Variants in CERK observed in about 807,000 individuals in gnomAD.
The protein encoded by CERK is acylsphingosine kinase.
In CERK, 39 loss-of-function variants were observed where a neutral mutation model predicts 63.4. The observed-to-expected ratio is 0.61, with a 90% confidence interval of 0.48 to 0.80. The LOEUF (loss-of-function observed/expected upper bound fraction) is 0.80, where lower values mean the gene tolerates loss of function less well. CERK is among the 30% of genes least tolerant of loss of function. CERK has a pLI of 0.00. For synonymous variants in CERK, 302 were observed against 280.0 expected, an observed-to-expected ratio of 1.08 and a Z score of -0.78; for missense variants, 670 against 714.1, an observed-to-expected ratio of 0.94 and a Z score of 0.70.
At chr22:46,712,361 A>G in intron 3 of CERK, 68 bp from the exon 4 acceptor site, 2 of 1,434,616 alleles carry the variant, frequency 1.4e-6, no homozygotes, top group Non-Finnish European at 1.9e-6. Context: ...CTGTTACTGG[A>G]CAAAATCAAA....
rs562277046 is a variant in CERK at position 46,686,651 on chromosome 22, C to G, written c.*483G>C. On this transcript the variant is annotated 3_prime_UTR_variant, in exon 13 of 13. Coordinates refer to ENST00000216264, the MANE Select transcript of CERK (RefSeq NM_022766.6). ...CAAGCAGCGATGTCCTAACCGTAAACGAAGAGGAAGGTGAAATGAAGGCAA... is the reference window on the plus strand; with the variant it reads ...CAAGCAGCGATGTCCTAACCGTAAAGGAAGAGGAAGGTGAAATGAAGGCAA... The G allele has an allele frequency of 2.3e-5, 4 of 171,282 alleles. No individual in the cohort carries two copies. Among genetic ancestry groups the G allele is most frequent in the African/African-American group, 9.5e-5 (4 of 41,910 alleles). 10.6% of individuals were successfully genotyped at this position (171,282 alleles called of 1,614,324 possible). A position where few individuals can be genotyped will look rare whatever the true frequency, so the allele number is the denominator to read the frequency against.
chr22:46,713,526 AAAACAAAC>A (rs1569325732), intron 3 of CERK, among the ~76,000 whole-genome samples: 1 of 148,002 alleles, frequency 6.8e-6, no homozygotes, highest in African/African-American at 2.6e-5. Context: ...AAAAAAAAAA[AAAACAAAC>A]AAACAAAAAA....
chr22:46,732,097 T>C (rs1455574047), intron 1 of CERK, among the ~76,000 whole-genome samples: 3 of 151,988 alleles, frequency 2.0e-5, no homozygotes, highest in African/African-American at 7.3e-5. Context: ...AGAAGAGGTA[T>C]GGGATCCGGA....
At chr22:46,716,931 T>TC (rs1038712687) in intron 3 of CERK, among the ~76,000 whole-genome samples, 4 of 133,230 alleles carry the variant, frequency 3.0e-5, no homozygotes, top group East Asian at 2.1e-4. Flanking sequence ...CGAGACTCTG[T>TC]CCCCCCACCA....
intron 11 of CERK, among the ~76,000 whole-genome samples, chr22:46,691,056 T>TACATACACACACACACACACAC (rs1555982639): frequency 1.4e-5 from 2 of 147,194 alleles, no homozygotes; most frequent in African/African-American, 2.5e-5. Context: ...TATACATACA[T>TACATACACACACACACACACAC]ACACACACAC....
rs369129787 is a variant in CERK, at chr22:46,723,858, C to T, written c.143-2843G>A. On this transcript the variant is annotated intron_variant, in intron 1 of 12. Transcript: ENST00000216264. ...GATTATAGGCGCCTGCCACCGCACCCGGCTAACTTTTGTACTTTTAGTAGA... is the reference window on the plus strand; with the variant it reads ...GATTATAGGCGCCTGCCACCGCACCTGGCTAACTTTTGTACTTTTAGTAGA... 5.9e-4 allele frequency among the ~76,000 whole-genome samples: 89 copies of T among 152,086 alleles called. 1 individual carries two copies. In the East Asian group the frequency reaches 9.9e-3, roughly 17 times the overall value.
chr22:46,717,443 C>T (rs1233237328), intron 3 of CERK, among the ~76,000 whole-genome samples: 1 of 152,232 alleles, frequency 6.6e-6, no homozygotes, highest in Non-Finnish European at 1.5e-5. Flanking sequence ...TACCATACGG[C>T]CTAGAGAATG....
Position 46,723,039 on chromosome 22 carries a change from G to A in CERK, c.143-2024C>T, listed in dbSNP as rs76305257. ...AGGGATAAGGATCCCACTTGGGTAT[G>A]ACTCTGAATAGCTACAAGTGTTCGG... On this transcript the variant is annotated intron_variant, in intron 1 of 12. Transcript: ENST00000216264. Among the ~76,000 whole-genome samples the A allele has an allele frequency of 1.3e-3, 192 of 152,322 alleles. 3 individuals are homozygous for A. The East Asian group carries it at 0.029, about 23-fold the overall frequency.
At chr22:46,718,740 C>T (rs1384960777) in intron 3 of CERK, among the ~76,000 whole-genome samples, 4 of 152,168 alleles carry the variant, frequency 2.6e-5, no homozygotes, top group South Asian at 2.1e-4. Flanking sequence ...TAAACACATG[C>T]CATTTCTATT....
chr22:46,695,234 C>T lies in CERK; in HGVS notation c.1025G>A (p.Arg342Lys), dbSNP rs2082750241. The T allele has an allele frequency of 3.1e-6, 5 of 1,604,408 alleles. No individual in the cohort carries two copies. Among genetic ancestry groups the T allele is most frequent in the Non-Finnish European group, 4.3e-6 (5 of 1,171,876 alleles). The change falls in exon 9 of 13, where the codon AGG becomes AAG. Residue 342 changes from arginine (R) to lysine (K), a missense_variant. By Grantham distance (26) the Arg-to-Lys change is conservative. Transcript: ENST00000216264. ...CCCTGCCCGGCAGGGCTTCCTATCCCTTGGAGATCCCACCGTGTGTTGTGC... is the reference window on the plus strand; with the variant it reads ...CCCTGCCCGGCAGGGCTTCCTATCCTTTGGAGATCCCACCGTGTGTTGTGC... Reference protein sequence around the residue: ...LPAQHTVGSPRDRKPCRAGCF... With the variant: ...LPAQHTVGSPKDRKPCRAGCF...
chr22:46,707,177 C>T (rs528197355), intron 6 of CERK, among the ~76,000 whole-genome samples: 8 of 147,196 alleles, frequency 5.4e-5, no homozygotes, highest in Admixed American at 2.7e-4. Flanking sequence ...TGCACCATGC[C>T]GCCACCCTCG....
In CERK at chr22:46,707,872, C is replaced by T. The variant is rs1386263985; in HGVS notation, c.686G>A (p.Ser229Asn). ...GGGAATGATTCCAATCCGGAGGCTA[C>T]TGGGGACCAGCACAGCCCGGGGGTG... ...QNHPRAVLVP[S>N]SLRIGIIPAG... Residue 229 changes from serine (S) to asparagine (N), a missense_variant, in exon 6 of 13, where the codon AGT becomes AAT. Transcript: ENST00000216264. The T allele has an allele frequency of 2.5e-6, 4 of 1,613,298 alleles. No individual in the cohort carries two copies. The highest frequency in any genetic ancestry group is 1.7e-5 in the Admixed American group (1 of 59,904).
intron 8 of CERK, among the ~76,000 whole-genome samples, chr22:46,698,076 G>A (rs959289424): frequency 4.6e-5 from 7 of 152,226 alleles, no homozygotes; most frequent in Non-Finnish European, 7.3e-5. Context: ...CGCAGCCTGG[G>A]TTCTACCAAG....
chr22:46,697,966 C>T (rs182635266), intron 8 of CERK, among the ~76,000 whole-genome samples: 3 of 152,318 alleles, frequency 2.0e-5, no homozygotes, highest in Admixed American at 1.3e-4. Context: ...AGGTCACCGC[C>T]GCCTGGCCCG....
intron 9 of CERK, 199 bp from the exon 10 acceptor site, chr22:46,693,702 T>C (rs772607566): frequency 1.9e-4 from 99 of 524,214 alleles, no homozygotes; most frequent in Non-Finnish European, 3.0e-4. Flanking sequence ...CAACATGTCC[T>C]TCTCTAAAAG....
intron 6 of CERK, among the ~76,000 whole-genome samples, chr22:46,703,236 C>T (rs991627478): frequency 6.6e-5 from 10 of 152,190 alleles, no homozygotes; most frequent in Non-Finnish European, 1.5e-4. Context: ...GGTCTCAAAG[C>T]AGCCGGAGCC....
chr22:46,694,757 A>G (rs1300732610), intron 9 of CERK, among the ~76,000 whole-genome samples: 1 of 152,180 alleles, frequency 6.6e-6, no homozygotes, highest in African/African-American at 2.4e-5. Flanking sequence ...GGGTGTGGAC[A>G]GGAGGGTGGC....
intron 1 of CERK, among the ~76,000 whole-genome samples, chr22:46,726,493 C>T (rs1205361438): frequency 6.6e-6 from 1 of 152,168 alleles, no homozygotes; most frequent in Non-Finnish European, 1.5e-5. Flanking sequence ...CGCTTAGAGT[C>T]CAAGCAGTAA....
Position 46,687,240 on chromosome 22 carries a change from G to A in CERK, c.1542-34C>T, listed in dbSNP as rs147865646. 211 of 1,584,964 alleles carry A rather than the reference G, an allele frequency of 1.3e-4. 1 individual carries two copies. The African/African-American group carries it at 2.6e-3, about 20-fold the overall frequency. On this transcript the variant is annotated intron_variant, in intron 12 of 12. Transcript: ENST00000216264. Reference sequence around the variant, plus strand: ...ACAAGCGGCCACGTGTAAACCCCACGTGTCCCTCACTCAAAGCTGGCCTGA... The same window carrying A: ...ACAAGCGGCCACGTGTAAACCCCACATGTCCCTCACTCAAAGCTGGCCTGA...
Sources: allele counts gnomAD v4.1 joint callset (sites outside exome capture counted in the v4.1 genomes callset), GRCh38; gene constraint gnomAD v4.1.1; transcripts MANE v1.5; gene names NCBI Gene and HGNC (gene_info 2026-07-23, HGNC 2026-07-21).